Variants in ADK observed in about 807,000 individuals in gnomAD.
ADK encodes the protein N6,N6-dimethyladenosine kinase.
Under a neutral mutation model 44.7 loss-of-function variants are expected in ADK, and 24 were observed. That is an observed-to-expected ratio of 0.54 (90% CI 0.39 to 0.76). ADK has a LOEUF of 0.76. ADK is among the 30% of genes least tolerant of loss of function. The pLI is 0.00. For synonymous variants in ADK, 128 were observed against 142.6 expected (o/e 0.90, Z 0.73); for missense variants, 321 against 425.1 (o/e 0.76, Z 2.15).
chr10:74,438,532 G>A (rs776693102), intron 6 of ADK, among the ~76,000 whole-genome samples: 45 of 151,920 alleles, frequency 3.0e-4, no homozygotes, highest in Non-Finnish European at 5.7e-4. Context: ...CCCCGGCCTT[G>A]CCTCTCTTAA....
intron 6 of ADK, among the ~76,000 whole-genome samples, chr10:74,407,433 G>A (rs1843987907): frequency 1.3e-5 from 2 of 152,204 alleles, no homozygotes; most frequent in South Asian, 4.2e-4. Context: ...ATGTTGTCAT[G>A]TGCTTTCGGA....
At chr10:74,415,980 A>G (rs1300181780) in intron 6 of ADK, among the ~76,000 whole-genome samples, 1 of 151,364 alleles carries the variant, frequency 6.6e-6, no homozygotes, top group Non-Finnish European at 1.5e-5. Context: ...GCTTTTGCTC[A>G]TATATATAAA....
At chr10:74,158,656 C>A (rs1036119283) in intron 1 of ADK, among the ~76,000 whole-genome samples, 1 of 152,126 alleles carries the variant, frequency 6.6e-6, no homozygotes, top group Non-Finnish European at 1.5e-5. Context: ...CCAAAACATA[C>A]CCTGCCCCAA....
intron 6 of ADK, among the ~76,000 whole-genome samples, chr10:74,419,219 G>A (rs188170104): frequency 6.6e-5 from 10 of 152,042 alleles, no homozygotes; most frequent in Middle Eastern, 6.8e-3. Flanking sequence ...CAGTATTTTA[G>A]TGCAAGACTC....
At chr10:74,573,645 G>T (rs1473957001) in intron 7 of ADK, among the ~76,000 whole-genome samples, 1 of 152,214 alleles carries the variant, frequency 6.6e-6, no homozygotes, top group Non-Finnish European at 1.5e-5. Flanking sequence ...TCCTTGAGCT[G>T]TGGTGAGCTC....
chr10:74,171,092 T>C (rs1216726007), intron 1 of ADK, among the ~76,000 whole-genome samples: 1 of 152,184 alleles, frequency 6.6e-6, no homozygotes, highest in Non-Finnish European at 1.5e-5. Flanking sequence ...CTTATGTCCC[T>C]AAAAAGTCTG....
intron 6 of ADK, among the ~76,000 whole-genome samples, chr10:74,502,523 T>C (rs1180904080): frequency 6.6e-6 from 1 of 152,140 alleles, no homozygotes; most frequent in African/African-American, 2.4e-5. Context: ...TGCAATTCAC[T>C]TTTTTAAATT....
intron 6 of ADK, among the ~76,000 whole-genome samples, chr10:74,474,366 G>A (rs534319162): frequency 1.3e-5 from 2 of 152,272 alleles, no homozygotes; most frequent in African/African-American, 4.8e-5. Flanking sequence ...GCCTCCCAAA[G>A]TGCTGAGATC....
At chr10:74,352,247 A>G (rs574292533) in intron 4 of ADK, among the ~76,000 whole-genome samples, 2 of 152,236 alleles carry the variant, frequency 1.3e-5, no homozygotes, top group South Asian at 2.1e-4. Flanking sequence ...ATGAAACAGA[A>G]CAGAGGCCTC....
intron 3 of ADK, among the ~76,000 whole-genome samples, chr10:74,228,237 T>G (rs1564606137): frequency 6.6e-6 from 1 of 152,192 alleles, no homozygotes; most frequent in African/African-American, 2.4e-5. Flanking sequence ...CAGTGACACT[T>G]GTTTTTCTAA....
intron 4 of ADK, among the ~76,000 whole-genome samples, chr10:74,333,535 A>C (rs1207788702): frequency 6.6e-6 from 1 of 152,140 alleles, no homozygotes; most frequent in African/African-American, 2.4e-5. Context: ...GCAATTTAAT[A>C]ATTTTGAGGG....
chr10:74,294,627 T>G (rs946190297), intron 3 of ADK, among the ~76,000 whole-genome samples: 12 of 152,112 alleles, frequency 7.9e-5, no homozygotes, highest in Admixed American at 2.0e-4. Context: ...GGAGTTCCAG[T>G]TTTTCCACTG....
chr10:74,469,168 T>A (rs960970734), intron 6 of ADK, among the ~76,000 whole-genome samples: 3 of 151,878 alleles, frequency 2.0e-5, no homozygotes, highest in African/African-American at 7.3e-5. Context: ...CAAAACCCCA[T>A]CCCTACAAAA....
intron 3 of ADK, among the ~76,000 whole-genome samples, chr10:74,297,412 TG>T (rs1223924435): frequency 6.6e-6 from 1 of 152,256 alleles, no homozygotes; most frequent in African/African-American, 2.4e-5. Context: ...GAAACAGACT[TG>T]GTTTTTAAAA....
chr10:74,234,143 T>C (rs1326544951), intron 3 of ADK, among the ~76,000 whole-genome samples: 1 of 152,210 alleles, frequency 6.6e-6, no homozygotes, highest in Non-Finnish European at 1.5e-5. Context: ...CTTTTGGGAA[T>C]GATATAGACT....
chr10:74,690,204 T>C lies in ADK; in HGVS notation c.965-18117T>C, dbSNP rs114556245. 5.0e-3 allele frequency among the ~76,000 whole-genome samples: 754 copies of C among 152,304 alleles called. 6 individuals carry two copies. Among genetic ancestry groups the C allele is most frequent in the African/African-American group, 0.017 (723 of 41,574 alleles). On this transcript the variant is annotated intron_variant, in intron 10 of 10. Coordinates refer to ENST00000539909, the MANE Select transcript of ADK (RefSeq NM_006721.4). Reference sequence around the variant, plus strand: ...GCTCTCTATTTATTATAGTATAAAATCCAAATCAGGCTGGGTGTGGTGGCT... The same window carrying C: ...GCTCTCTATTTATTATAGTATAAAACCCAAATCAGGCTGGGTGTGGTGGCT...
At chr10:74,222,641 G>A (rs576152870) in intron 2 of ADK, among the ~76,000 whole-genome samples, 74 of 152,134 alleles carry the variant, frequency 4.9e-4, no homozygotes, top group Non-Finnish European at 9.6e-4. Context: ...ACTGGATTAA[G>A]AAAATGTGGC....
chr10:74,531,237 A>G (rs945327136), intron 7 of ADK, among the ~76,000 whole-genome samples: 3 of 152,208 alleles, frequency 2.0e-5, no homozygotes, highest in African/African-American at 7.2e-5. Flanking sequence ...CAGAGTGGAT[A>G]ACCTCGTAAT....
At chr10:74,284,492 A>G (rs1847081296) in intron 3 of ADK, among the ~76,000 whole-genome samples, 1 of 152,024 alleles carries the variant, frequency 6.6e-6, no homozygotes, top group South Asian at 2.1e-4. Flanking sequence ...TGGAACTCCC[A>G]ACCTCAGATG....
Sources: allele counts gnomAD v4.1 joint callset (sites outside exome capture counted in the v4.1 genomes callset), GRCh38; gene constraint gnomAD v4.1.1; transcripts MANE v1.5; gene names NCBI Gene and HGNC (gene_info 2026-07-23, HGNC 2026-07-21).